The following MAP4K5 variants were observed in gnomAD, a reference collection of about 807,000 sequenced individuals.
MAP4K5 encodes the protein mitogen-activated protein kinase kinase kinase kinase 5, also known as MAPK/ERK kinase kinase kinase 5.
Under a neutral mutation model 135.6 loss-of-function variants are expected in MAP4K5, and 82 were observed. That is an observed-to-expected ratio of 0.60 (90% CI 0.51 to 0.73). MAP4K5 has a LOEUF of 0.73. MAP4K5 is among the 30% of genes least tolerant of loss of function. The probability of loss-of-function intolerance (pLI) is 0.00; values close to 1 mark genes in which losing one functional copy is unlikely to be tolerated. For missense variants in MAP4K5, 907 were observed against 1,010.9 expected (o/e 0.90, Z 1.39); for synonymous variants, 347 against 335.0 (o/e 1.04, Z -0.39).
chr14:50,432,196 G>A (rs2035985913), intron 28 of MAP4K5, among the ~76,000 whole-genome samples: 1 of 152,202 alleles, frequency 6.6e-6, no homozygotes, highest in African/African-American at 2.4e-5. Context: ...AAAGAGTCTT[G>A]AATAGGAGTT....
chr14:50,452,722 C>T (rs1432072295), intron 14 of MAP4K5, among the ~76,000 whole-genome samples: 1 of 152,106 alleles, frequency 6.6e-6, no homozygotes, highest in African/African-American at 2.4e-5. Flanking sequence ...TCATGTCTCT[C>T]AAACATAGAG....
intron 2 of MAP4K5, among the ~76,000 whole-genome samples, chr14:50,505,404 TATTGTTGGGC>T (rs2037789641): frequency 6.6e-6 from 1 of 152,162 alleles, no homozygotes; most frequent in South Asian, 2.1e-4. Flanking sequence ...CCCAACCCTC[TATTGTTGGGC>T]ATTTACAATT....
rs116138832 is a variant in MAP4K5, at chr14:50,476,363, C to T, written c.379-57G>A. On this transcript the variant is annotated intron_variant, in intron 6 of 32. Transcript: ENST00000682126. The stretch of plus-strand genomic sequence containing the variant: ...ATCAGCAAAACTGTAAATGTGACTC[C>T]TAAATTTTCTACTTAAATTCTTATT... The T allele has an allele frequency of 2.8e-4, 230 of 817,388 alleles. No individual in the cohort carries two copies. The African/African-American group carries it at 3.9e-3, about 14-fold the overall frequency. The allele number at this position is 817,388 out of a possible 1,614,324, so 50.6% of individuals were successfully genotyped here.
At chr14:50,433,221 G>A (rs2036013841) in intron 28 of MAP4K5, among the ~76,000 whole-genome samples, 1 of 152,180 alleles carries the variant, frequency 6.6e-6, no homozygotes, top group South Asian at 2.1e-4. Context: ...TGTAACAGCA[G>A]GCATACATCC....
At chr14:50,481,108 A>G (rs997752754) in intron 6 of MAP4K5, among the ~76,000 whole-genome samples, 3 of 151,270 alleles carry the variant, frequency 2.0e-5, no homozygotes, top group African/African-American at 4.9e-5. Context: ...TTTGTTTAAT[A>G]CTTAGGGAAA....
intron 3 of MAP4K5, among the ~76,000 whole-genome samples, chr14:50,498,947 C>T (rs920960950): frequency 2.6e-5 from 4 of 152,258 alleles, no homozygotes; most frequent in African/African-American, 7.2e-5. Context: ...TTTTGAAATA[C>T]AGCAGTCTCC....
intron 15 of MAP4K5, 35 bp from the exon 16 acceptor site, chr14:50,447,516 T>A: frequency 2.6e-6 from 3 of 1,175,784 alleles, no homozygotes; most frequent in South Asian, 1.4e-5. Context: ...AAATGTTACT[T>A]TGTAACAGGT....
intron 2 of MAP4K5, among the ~76,000 whole-genome samples, chr14:50,509,095 A>G (rs2037875167): frequency 6.6e-6 from 1 of 152,120 alleles, no homozygotes; most frequent in Non-Finnish European, 1.5e-5. Context: ...ACACAGATGA[A>G]GCTGGAAACC....
Position 50,560,094 on chromosome 14 carries a change from T to C in MAP4K5, c.-180+946A>G, listed in dbSNP as rs1319748485. On this transcript the variant is annotated intron_variant, in intron 1 of 8. Coordinates refer to the MAP4K5 transcript ENST00000555216. ...TGCTGAGCTTGGTTCATCTGCTTTC[T>C]CCTCCCTTTTCCTCCCCACTCCTTC... 4.2e-6 allele frequency: 3 copies of C among 706,844 alleles called. No individual in the cohort carries two copies. In the East Asian group the frequency reaches 8.2e-5, roughly 19 times the overall value. 43.8% of individuals were successfully genotyped at this position (706,844 alleles called of 1,614,324 possible). A position where few individuals can be genotyped will look rare whatever the true frequency, so the allele number is the denominator to read the frequency against.
chr14:50,507,857 A>T (rs2037845653), intron 2 of MAP4K5, among the ~76,000 whole-genome samples: 1 of 152,116 alleles, frequency 6.6e-6, no homozygotes, highest in Admixed American at 6.5e-5. Context: ...GTAGATGTCT[A>T]TTGGGTCTGC....
At chr14:50,506,328 CAGAA>C (rs1360702542) in intron 2 of MAP4K5, among the ~76,000 whole-genome samples, 1 of 152,026 alleles carries the variant, frequency 6.6e-6, no homozygotes, top group Non-Finnish European at 1.5e-5. Context: ...AAGACACAAA[CAGAA>C]AGAAAAATAA....
intron 1 of MAP4K5, chr14:50,560,470 G>C: frequency 1.1e-6 from 1 of 869,774 alleles, no homozygotes; most frequent in Non-Finnish European, 1.8e-6. Context: ...ATGGCCGAGC[G>C]GTACCCGCGT....
At chr14:50,539,953 G>A (rs1245940760) in intron 2 of MAP4K5, among the ~76,000 whole-genome samples, 2 of 152,188 alleles carry the variant, frequency 1.3e-5, no homozygotes, top group African/African-American at 2.4e-5. Flanking sequence ...ATTCTGCTTA[G>A]TCAAACTCTA....
At chr14:50,530,071 A>C (rs1314188989) in intron 2 of MAP4K5, among the ~76,000 whole-genome samples, 2 of 152,218 alleles carry the variant, frequency 1.3e-5, no homozygotes, top group Non-Finnish European at 2.9e-5. Flanking sequence ...TTAGAATCAG[A>C]GGCTGGCCTA....
At chr14:50,439,333 T>TAAA (rs377755870) in intron 23 of MAP4K5, among the ~76,000 whole-genome samples, 1 of 90,356 alleles carries the variant, frequency 1.1e-5, no homozygotes, top group Non-Finnish European at 2.4e-5. Flanking sequence ...AGGTAAGAAT[T>TAAA]AAAAAAAAAA....
intron 3 of MAP4K5, among the ~76,000 whole-genome samples, chr14:50,487,801 A>T (rs1427647630): frequency 6.6e-6 from 1 of 152,020 alleles, no homozygotes; most frequent in African/African-American, 2.4e-5. Context: ...TTCTGTGTTC[A>T]CTCGCGGGCA....
chr14:50,468,975 T>C (rs556921599), intron 9 of MAP4K5, among the ~76,000 whole-genome samples, 193 bp from the exon 10 acceptor site: 1 of 152,304 alleles, frequency 6.6e-6, no homozygotes, highest in East Asian at 1.9e-4. Context: ...TAATTAAGAA[T>C]CTTGAATGCC....
chr14:50,446,857 A>C (rs1245781773), intron 16 of MAP4K5, among the ~76,000 whole-genome samples: 1 of 152,244 alleles, frequency 6.6e-6, no homozygotes, highest in African/African-American at 2.4e-5. Flanking sequence ...TATTTATGAC[A>C]CTGAAATTTG....
rs781035201 is a variant in MAP4K5, at chr14:50,438,013, A to G, written c.1709-5T>C. On this transcript the variant is annotated splice_polypyrimidine_tract_variant and splice_region_variant and intron_variant, in intron 24 of 32. Transcript: ENST00000682126. Reference sequence around the variant, plus strand: ...AGTAGAGCTGAAAGGTTTTTCCTATAAAAGAAAAACATGTTACCTTTTTGA... The same window carrying G: ...AGTAGAGCTGAAAGGTTTTTCCTATGAAAGAAAAACATGTTACCTTTTTGA... 1 of 1,500,824 alleles carries G rather than the reference A, an allele frequency of 6.7e-7. No homozygotes were observed. 93.0% of individuals were successfully genotyped at this position (1,500,824 alleles called of 1,614,324 possible).
Sources: allele counts gnomAD v4.1 joint callset (sites outside exome capture counted in the v4.1 genomes callset), GRCh38; gene constraint gnomAD v4.1.1; transcripts MANE v1.5; gene names NCBI Gene and HGNC (gene_info 2026-07-23, HGNC 2026-07-21).